MYO18B: variants seen among roughly 807,000 people sequenced by gnomAD.
MYO18B encodes the protein unconventional myosin-XVIIIb.
In MYO18B, 204 loss-of-function variants were observed where a neutral mutation model predicts 273.0. The ratio of observed to expected loss-of-function variants is 0.75; its 90% confidence interval spans 0.67 to 0.84. The LOEUF is 0.84. Among genes scored for constraint, MYO18B ranks in the 40% least tolerant of loss-of-function variants. MYO18B has a pLI of 0.00. For missense variants in MYO18B, 3,212 were observed against 3,287.6 expected, an observed-to-expected ratio of 0.98 and a Z score of 0.56; for synonymous variants, 1,330 against 1,305.7, an observed-to-expected ratio of 1.02 and a Z score of -0.40.
chr22:25,851,626 T>C (rs1200385131), intron 21 of MYO18B, 47 bp downstream of exon 21: 8 of 1,345,464 alleles, frequency 5.9e-6, no homozygotes, highest in South Asian at 1.2e-5. Context: ...GATATGGATA[T>C]GTTGGTTATT....
chr22:25,805,600 A>G (rs962616762), intron 12 of MYO18B, among the ~76,000 whole-genome samples: 1 of 152,120 alleles, frequency 6.6e-6, no homozygotes, highest in Non-Finnish European at 1.5e-5. Flanking sequence ...ATCTGTTCTC[A>G]TGCCGCAGCC....
At chr22:25,754,366 G>A (rs2146552956) in intron 1 of MYO18B, among the ~76,000 whole-genome samples, 1 of 152,322 alleles carries the variant, frequency 6.6e-6, no homozygotes, top group East Asian at 1.9e-4. Flanking sequence ...GGGTCGCTAG[G>A]ACAGGTGGTT....
At chr22:25,749,138 T>C (rs1267603780) in intron 1 of MYO18B, among the ~76,000 whole-genome samples, 2 of 152,186 alleles carry the variant, frequency 1.3e-5, no homozygotes, top group African/African-American at 4.8e-5. Flanking sequence ...TCAGGATTGA[T>C]ATGTGAATTA....
chr22:26,035,066 T>C (rs1936752332), downstream of MYO18B, among the ~76,000 whole-genome samples: 1 of 152,228 alleles, frequency 6.6e-6, no homozygotes, highest in African/African-American at 2.4e-5. Context: ...GTCCAGAAGC[T>C]ACAGGTCATC....
In MYO18B at chr22:25,824,789, A is replaced by G. The variant is rs150747756; in HGVS notation, c.2695+1111A>G. 7.9e-5 allele frequency among the ~76,000 whole-genome samples: 12 copies of G among 152,186 alleles called. No homozygotes were observed. In the East Asian group the frequency reaches 2.3e-3, roughly 30 times the overall value. On this transcript the variant is annotated intron_variant, in intron 13 of 43. Coordinates refer to ENST00000335473, the MANE Select transcript of MYO18B (RefSeq NM_032608.7). ...CCTCTCCTCTTCGACATGCACACAC[A>G]TTCCCAGAAGCATACACACACATGC...
chr22:25,947,643 T>C, intron 35 of MYO18B, 69 bp from the exon 36 acceptor site: 2 of 1,202,594 alleles, frequency 1.7e-6, no homozygotes, highest in South Asian at 1.3e-5. Flanking sequence ...CTCTTTGCTC[T>C]TCCTCTGGAC....
At chr22:25,816,343 T>A (rs2089003704) in intron 12 of MYO18B, among the ~76,000 whole-genome samples, 1 of 152,090 alleles carries the variant, frequency 6.6e-6, no homozygotes, top group African/African-American at 2.4e-5. Context: ...CCTCATTCAT[T>A]CTTCTTTTAT....
At chr22:25,931,251 C>T (rs1173681663) in intron 34 of MYO18B, among the ~76,000 whole-genome samples, 1 of 152,152 alleles carries the variant, frequency 6.6e-6, no homozygotes, top group Non-Finnish European at 1.5e-5. Flanking sequence ...CAGGCCTGTT[C>T]ACCCCACAAA....
At chr22:25,797,161 G>A (rs2087953548) in intron 11 of MYO18B, among the ~76,000 whole-genome samples, 1 of 152,178 alleles carries the variant, frequency 6.6e-6, no homozygotes, top group African/African-American at 2.4e-5. Flanking sequence ...CGGGGGCGCG[G>A]AGGTTGCAGT....
chr22:25,763,125 T>C lies in MYO18B; in HGVS notation c.40-106T>C, dbSNP rs548108180. 4 of 1,346,144 alleles carry C rather than the reference T, an allele frequency of 3.0e-6. No homozygotes were observed. The Admixed American group carries it at 5.0e-5, about 17-fold the overall frequency. 83.4% of individuals were successfully genotyped at this position (1,346,144 alleles called of 1,614,324 possible). Reference sequence around the variant, plus strand: ...CTTCTCATACATGGGCTTGGTCATGTATGTCTCCTCCGCCCCCTCCCAGGC... The same window carrying C: ...CTTCTCATACATGGGCTTGGTCATGCATGTCTCCTCCGCCCCCTCCCAGGC... On this transcript the variant is annotated intron_variant, in intron 2 of 43. Transcript: ENST00000335473.
At chr22:25,949,519 C>A (rs2092766959) in intron 36 of MYO18B, among the ~76,000 whole-genome samples, 1 of 152,182 alleles carries the variant, frequency 6.6e-6, no homozygotes, top group Non-Finnish European at 1.5e-5. Context: ...AATACACCAT[C>A]CAGAGGAGAG....
At chr22:25,820,013 G>T (rs1169374145) in intron 12 of MYO18B, among the ~76,000 whole-genome samples, 1 of 2,098 alleles carries the variant, frequency 4.8e-4, no homozygotes, top group Admixed American at 6.0e-3. Context: ...GAACAAAGAC[G>T]CAATGTTGAA....
rs1434879296 is a variant in MYO18B, at chr22:25,769,377, G to A, written c.1461G>A (p.Gly487=). ...RPRIRKENQD[G]PAPQEEGKGG... is the part of the protein sequence containing the mutation. ...GGATACGGAAGGAGAACCAAGACGG[G>A]CCAGCCCCGCAGGAGGAGGGCAAAG... Residue 487 remains glycine, a synonymous_variant, in exon 4 of 44, where the codon GGG becomes GGA. Transcript: ENST00000335473. 5.1e-6 allele frequency: 8 copies of A among 1,572,652 alleles called. No homozygotes were observed. In the South Asian group the frequency reaches 7.0e-5, roughly 14 times the overall value.
At chr22:25,869,782 C>A (rs1051074211) in intron 22 of MYO18B, among the ~76,000 whole-genome samples, 8 of 152,170 alleles carry the variant, frequency 5.3e-5, no homozygotes, top group Non-Finnish European at 1.0e-4. Flanking sequence ...TGGCTACCAC[C>A]CCTCAGCCCA....
At chr22:26,016,173 A>T (rs1006960259) in intron 42 of MYO18B, among the ~76,000 whole-genome samples, 3 of 152,232 alleles carry the variant, frequency 2.0e-5, no homozygotes, top group Non-Finnish European at 4.4e-5. Flanking sequence ...GTTGAATCCA[A>T]ATTGAATCTA....
At chr22:25,828,359 G>GGA (rs1387101361) in intron 14 of MYO18B, among the ~76,000 whole-genome samples, 1 of 152,174 alleles carries the variant, frequency 6.6e-6, no homozygotes, top group Non-Finnish European at 1.5e-5. Context: ...AGATTCATCA[G>GGA]GAGAATACAA....
chr22:26,005,637 T>C (rs943541599), intron 42 of MYO18B, among the ~76,000 whole-genome samples: 1 of 152,176 alleles, frequency 6.6e-6, no homozygotes, highest in Admixed American at 6.6e-5. Flanking sequence ...TCAGAAATTA[T>C]GGATTAAGAT....
At chr22:25,799,966 G>GAT (rs3069295) in intron 12 of MYO18B, among the ~76,000 whole-genome samples, 2,632 of 151,936 alleles carry the variant, frequency 0.017, 71 homozygotes, top group African/African-American at 0.053. Context: ...GAAAATGTGA[G>GAT]ATATATATAT....
intron 12 of MYO18B, among the ~76,000 whole-genome samples, chr22:25,815,245 G>T (rs2088950536): frequency 6.6e-6 from 1 of 152,232 alleles, no homozygotes; most frequent in Admixed American, 6.5e-5. Flanking sequence ...AAGAGCATTA[G>T]AGGGGACCAT....
Sources: gnomAD v4.1 joint callset for allele counts (sites outside exome capture counted in the v4.1 genomes callset) on GRCh38, gnomAD v4.1.1 for gene constraint, MANE v1.5 for transcripts, NCBI Gene and HGNC (gene_info 2026-07-23, HGNC 2026-07-21) for gene names.